The following GAS2 variants were observed in gnomAD, a reference collection of about 807,000 sequenced individuals.
The protein encoded by GAS2 is growth arrest-specific protein 2.
Under a neutral mutation model 37.5 loss-of-function variants are expected in GAS2, and 20 were observed. The ratio of observed to expected loss-of-function variants is 0.53; its 90% CI spans 0.37 to 0.77. The LOEUF (loss-of-function observed/expected upper bound fraction) is 0.77, where lower values mean the gene tolerates loss of function less well. Among genes scored for constraint, GAS2 ranks in the 30% least tolerant of loss-of-function variants. GAS2 has a pLI of 0.00. For missense variants in GAS2, 336 were observed against 373.4 expected (o/e 0.90, Z 0.82); for synonymous variants, 144 against 132.2 (o/e 1.09, Z -0.61).
intron 3 of GAS2, among the ~76,000 whole-genome samples, chr11:22,701,988 T>C (rs1850866235): frequency 6.6e-6 from 1 of 152,206 alleles, no homozygotes; most frequent in Admixed American, 6.6e-5. Flanking sequence ...TTTAAGATTA[T>C]TTTAAATGTG....
chr11:22,663,389 C>G (rs367555354), upstream of GAS2, among the ~76,000 whole-genome samples: 1 of 150,806 alleles, frequency 6.6e-6, no homozygotes, highest in East Asian at 1.9e-4. Flanking sequence ...GGCAACGCCA[C>G]TGCAATAGCC....
At chr11:22,660,618 G>A (rs552738049) in intron 1 of GAS2, among the ~76,000 whole-genome samples, 2 of 152,214 alleles carry the variant, frequency 1.3e-5, no homozygotes, top group East Asian at 1.9e-4. Flanking sequence ...GCCTGATTTC[G>A]TCTGTGACCA....
intron 4 of GAS2, among the ~76,000 whole-genome samples, chr11:22,732,856 T>G (rs1852552047): frequency 6.6e-6 from 1 of 151,694 alleles, no homozygotes; most frequent in African/African-American, 2.4e-5. Context: ...GCATGTTACA[T>G]ATATCAAAGC....
intron 5 of GAS2, among the ~76,000 whole-genome samples, chr11:22,746,699 G>A (rs1853422659): frequency 6.6e-6 from 1 of 152,110 alleles, no homozygotes; most frequent in Admixed American, 6.6e-5. Flanking sequence ...GGGAACTCTA[G>A]AGTGGAGAGC....
Position 22,812,293 on chromosome 11 carries a change from T to C in GAS2, c.*277T>C. ...CGAACACAGTATTTAGAACACAATA[T>C]TAGAAACACAATTCTAACTAAAGAT... On this transcript the variant is annotated 3_prime_UTR_variant, in exon 8 of 8. Transcript: ENST00000454584. 6.7e-6 allele frequency: 2 copies of C among 299,038 alleles called. No homozygotes were observed. Among genetic ancestry groups the C allele is most frequent in the Non-Finnish European group, 6.2e-6 (1 of 161,396 alleles). 18.5% of individuals were successfully genotyped at this position (299,038 alleles called of 1,614,324 possible).
At chr11:22,720,435 C>A (rs1385276672) in intron 3 of GAS2, among the ~76,000 whole-genome samples, 1 of 151,832 alleles carries the variant, frequency 6.6e-6, no homozygotes, top group African/African-American at 2.4e-5. Flanking sequence ...TAATTTTTAT[C>A]TTAAAGACTA....
At chr11:22,669,571 A>ATT (rs1849121873) in intron 1 of GAS2, among the ~76,000 whole-genome samples, 1 of 152,128 alleles carries the variant, frequency 6.6e-6, no homozygotes, top group Admixed American at 6.5e-5. Context: ...CACTACACTA[A>ATT]ATTAAGGATC....
At chr11:22,640,869 G>T (rs189505555) in intron 1 of GAS2, among the ~76,000 whole-genome samples, 36 of 152,206 alleles carry the variant, frequency 2.4e-4, no homozygotes, top group Non-Finnish European at 3.4e-4. Flanking sequence ...AACACTATTA[G>T]CTAAGAAAAG....
chr11:22,778,692 G>A (rs1476730761), intron 7 of GAS2, among the ~76,000 whole-genome samples: 1 of 152,220 alleles, frequency 6.6e-6, no homozygotes, highest in African/African-American at 2.4e-5. Flanking sequence ...TTAATTGTCA[G>A]TCTGTAGGTA....
chr11:22,703,137 C>T (rs1850931778), intron 3 of GAS2, among the ~76,000 whole-genome samples: 1 of 152,090 alleles, frequency 6.6e-6, no homozygotes, highest in African/African-American at 2.4e-5. Context: ...TTTTCATCTA[C>T]GTGATTTCCT....
intron 6 of GAS2, among the ~76,000 whole-genome samples, chr11:22,752,638 C>G (rs1853804878): frequency 6.7e-6 from 1 of 149,528 alleles, no homozygotes; most frequent in Non-Finnish European, 1.5e-5. Context: ...ATCTGCCACC[C>G]CAAAAAAGAA....
chr11:22,811,654 C>G (rs545666493), intron 7 of GAS2, 144 bp from the exon 8 acceptor site: 3 of 737,978 alleles, frequency 4.1e-6, no homozygotes, highest in African/African-American at 3.5e-5. Context: ...AGACTATATG[C>G]TAACTCAGAC....
intron 4 of GAS2, among the ~76,000 whole-genome samples, chr11:22,734,610 A>G: frequency 6.6e-6 from 1 of 151,722 alleles, no homozygotes; most frequent in East Asian, 1.9e-4. Flanking sequence ...AAAGAAAAAA[A>G]TATAAAACTA....
intron 7 of GAS2, among the ~76,000 whole-genome samples, chr11:22,783,186 T>C (rs774483462): frequency 5.2e-4 from 79 of 151,730 alleles, no homozygotes; most frequent in Admixed American, 9.2e-4. Flanking sequence ...TGTATTTCTC[T>C]GATGATTAGT....
intron 7 of GAS2, among the ~76,000 whole-genome samples, chr11:22,779,974 T>C (rs75187377): frequency 6.6e-6 from 1 of 152,158 alleles, no homozygotes; most frequent in South Asian, 2.1e-4. Context: ...TGCTGTGTTT[T>C]CTTCCATTCT....
At chr11:22,637,124 C>T (rs1858835672) in intron 1 of GAS2, among the ~76,000 whole-genome samples, 1 of 124,860 alleles carries the variant, frequency 8.0e-6, no homozygotes, top group Non-Finnish European at 1.6e-5. Context: ...TATAATATTA[C>T]TTATATTAAT....
At chr11:22,782,182 T>C (rs1183252026) in intron 7 of GAS2, among the ~76,000 whole-genome samples, 1 of 152,184 alleles carries the variant, frequency 6.6e-6, no homozygotes. Context: ...ATTGTGGGAA[T>C]GAATTCCCTC....
chr11:22,738,592 G>C (rs1201461597), intron 5 of GAS2, among the ~76,000 whole-genome samples: 4 of 152,156 alleles, frequency 2.6e-5, no homozygotes, highest in Non-Finnish European at 5.9e-5. Flanking sequence ...TTTTAGGGTT[G>C]AGATCAGATG....
intron 7 of GAS2, among the ~76,000 whole-genome samples, chr11:22,805,389 T>A (rs2134668457): frequency 6.6e-6 from 1 of 152,258 alleles, no homozygotes; most frequent in South Asian, 2.1e-4. Context: ...ACATCCACTC[T>A]TTTTGCATTT....
Sources: allele counts gnomAD v4.1 joint callset (sites outside exome capture counted in the v4.1 genomes callset), GRCh38; gene constraint gnomAD v4.1.1; transcripts MANE v1.5; gene names NCBI Gene and HGNC (gene_info 2026-07-23, HGNC 2026-07-21).